PRR16: variants seen among roughly 807,000 people sequenced by gnomAD.
The protein encoded by PRR16 is protein Largen.
In PRR16, 6 loss-of-function variants were observed where a neutral mutation model predicts 18.2. The ratio of observed to expected loss-of-function variants is 0.33; its 90% CI spans 0.18 to 0.65. The LOEUF (loss-of-function observed/expected upper bound fraction) is 0.65, where lower values mean the gene tolerates loss of function less well. Ranked by LOEUF, PRR16 falls within the 30% of genes least tolerant of loss-of-function variation. The pLI is 0.74. For synonymous variants in PRR16, 151 were observed against 147.8 expected (o/e 1.02, Z -0.16); for missense variants, 412 against 376.6 (o/e 1.09, Z -0.78).
intron 1 of PRR16, among the ~76,000 whole-genome samples, chr5:120,654,328 A>T (rs530262863): frequency 1.3e-5 from 2 of 152,016 alleles, no homozygotes; most frequent in South Asian, 2.1e-4. Flanking sequence ...TCTAATCCTA[A>T]TTTTTTTGTT....
Position 120,686,099 on chromosome 5 carries a change from C to T in PRR16, c.305C>T (p.Pro102Leu), listed in dbSNP as rs747136109. ...AAGATCAAAGTGCAGGCTAATGCACCGCTTATTAAACCCCCAGCACACCCG... is the reference window on the plus strand; with the variant it reads ...AAGATCAAAGTGCAGGCTAATGCACTGCTTATTAAACCCCCAGCACACCCG... The part of the protein sequence containing the change: ...LEKIKVQANA[P>L]LIKPPAHPSA... Residue 102 changes from proline (P) to leucine (L), a missense_variant, in exon 2 of 2, where the codon CCG becomes CTG. Transcript: ENST00000407149. The T allele has an allele frequency of 2.2e-5, 36 of 1,614,080 alleles. No homozygotes were observed. The highest frequency in any genetic ancestry group is 5.5e-5 in the South Asian group (5 of 91,072).
At chr5:120,638,522 A>G (rs1490141295) in intron 1 of PRR16, among the ~76,000 whole-genome samples, 1 of 152,114 alleles carries the variant, frequency 6.6e-6, no homozygotes, top group African/African-American at 2.4e-5. Flanking sequence ...ATTTAAGTCT[A>G]ACAAGGTCAT....
chr5:120,601,235 T>A (rs1018845150), intron 1 of PRR16, among the ~76,000 whole-genome samples: 2 of 152,026 alleles, frequency 1.3e-5, no homozygotes, highest in South Asian at 4.1e-4. Context: ...TGCCAACATC[T>A]ATTATTTTTT....
the PRR16 span, among the ~76,000 whole-genome samples, chr5:120,766,812 T>C: frequency 6.6e-6 from 1 of 151,988 alleles, no homozygotes; most frequent in Non-Finnish European, 1.5e-5. Context: ...GTGCCCCTTC[T>C]ATTAATGCCA....
chr5:120,715,710 G>C, the PRR16 span, among the ~76,000 whole-genome samples: 1 of 151,992 alleles, frequency 6.6e-6, no homozygotes, highest in Non-Finnish European at 1.5e-5. Context: ...AAATTAAACT[G>C]GTATTTTTCT....
At chr5:120,687,723 T>C (rs888852370), downstream of PRR16, among the ~76,000 whole-genome samples, 1 of 152,198 alleles carries the variant, frequency 6.6e-6, no homozygotes, top group Admixed American at 6.6e-5. Flanking sequence ...GCATTTGGCG[T>C]AAGTTTTTCC....
At chr5:120,508,150 C>G (rs1454249743) in intron 1 of PRR16, among the ~76,000 whole-genome samples, 2 of 152,064 alleles carry the variant, frequency 1.3e-5, no homozygotes, top group African/African-American at 4.8e-5. Flanking sequence ...CCTCTTTTTC[C>G]TTCCTTTTCT....
chr5:120,615,000 G>A (rs1347602608), intron 1 of PRR16, among the ~76,000 whole-genome samples: 2 of 151,832 alleles, frequency 1.3e-5, no homozygotes, highest in Non-Finnish European at 2.9e-5. Flanking sequence ...ACCTCTGTCA[G>A]TAAAGATTCT....
At chr5:120,649,444 C>G (rs1333913527) in intron 1 of PRR16, among the ~76,000 whole-genome samples, 1 of 152,070 alleles carries the variant, frequency 6.6e-6, no homozygotes, top group Non-Finnish European at 1.5e-5. Context: ...TTTTGAGGAT[C>G]ATTGTGATTT....
chr5:120,779,865 G>T, the PRR16 span, among the ~76,000 whole-genome samples: 2 of 152,228 alleles, frequency 1.3e-5, no homozygotes, highest in East Asian at 3.9e-4. Context: ...CCATCGACGT[G>T]TGCCAAGTAG....
intron 1 of PRR16, among the ~76,000 whole-genome samples, chr5:120,503,123 A>C (rs989345283): frequency 1.3e-5 from 2 of 152,204 alleles, no homozygotes; most frequent in African/African-American, 4.8e-5. Flanking sequence ...AATCAAAGAA[A>C]GTTTAAGAAT....
chr5:120,771,473 TGAG>T, the PRR16 span, among the ~76,000 whole-genome samples: 1 of 152,030 alleles, frequency 6.6e-6, no homozygotes, highest in South Asian at 2.1e-4. Flanking sequence ...TTTAGTAGAG[TGAG>T]GAGATTTGGG....
At position 120,533,181 on chromosome 5, in the gene PRR16, T is replaced by G. The variant is rs1360524062; in HGVS notation, c.159+68536T>G. ...AGTTCTGCGGAGAAATTTTCATGTGTTTTCTCTTCATCCACTGAATATATC... is the reference window on the plus strand; with the variant it reads ...AGTTCTGCGGAGAAATTTTCATGTGGTTTCTCTTCATCCACTGAATATATC... On this transcript the variant is annotated intron_variant, in intron 1 of 1. Transcript: ENST00000407149. 2.0e-5 allele frequency among the ~76,000 whole-genome samples: 3 copies of G among 152,294 alleles called. No homozygotes were observed. The East Asian group carries it at 5.8e-4, about 29-fold the overall frequency.
chr5:120,709,306 C>T, the PRR16 span, among the ~76,000 whole-genome samples: 14 of 151,984 alleles, frequency 9.2e-5, no homozygotes, highest in East Asian at 3.9e-4. Context: ...CGCACCCGGC[C>T]GCAATTAAGC....
intron 1 of PRR16, among the ~76,000 whole-genome samples, chr5:120,646,628 T>TTA (rs1375059615): frequency 6.6e-6 from 1 of 151,918 alleles, no homozygotes; most frequent in Non-Finnish European, 1.5e-5. Context: ...AGGGCACTGT[T>TTA]TTAGTAAGAA....
At chr5:120,626,846 T>C (rs1754881658) in intron 1 of PRR16, among the ~76,000 whole-genome samples, 1 of 152,160 alleles carries the variant, frequency 6.6e-6, no homozygotes, top group African/African-American at 2.4e-5. Context: ...ATCTTATTTA[T>C]TTAGAATTTG....
At chr5:120,617,259 A>G (rs566576332) in intron 1 of PRR16, 17 of 700,780 alleles carry the variant, frequency 2.4e-5, no homozygotes, top group South Asian at 1.3e-4. Context: ...TCTAAGAAAC[A>G]TGCAAACCAA....
chr5:120,780,816 C>G, the PRR16 span, among the ~76,000 whole-genome samples: 8 of 152,066 alleles, frequency 5.3e-5, no homozygotes, highest in African/African-American at 1.9e-4. Flanking sequence ...TCTGGGAGGC[C>G]GAGGCGGGGG....
chr5:120,555,914 T>C (rs1445514748), intron 1 of PRR16, among the ~76,000 whole-genome samples: 1 of 151,698 alleles, frequency 6.6e-6, no homozygotes, highest in African/African-American at 2.4e-5. Context: ...GTCACCTTTA[T>C]GTTTTCATCT....
Sources: gnomAD v4.1 joint callset for allele counts (sites outside exome capture counted in the v4.1 genomes callset) on GRCh38, gnomAD v4.1.1 for gene constraint, MANE v1.5 for transcripts, NCBI Gene and HGNC (gene_info 2026-07-23, HGNC 2026-07-21) for gene names.